MSI2: variants seen among roughly 807,000 people sequenced by gnomAD.
MSI2 encodes the protein RNA-binding protein Musashi homolog 2.
In MSI2, 17 loss-of-function variants were observed where a neutral mutation model predicts 45.6. The ratio of observed to expected loss-of-function variants is 0.37; its 90% CI spans 0.26 to 0.56. The LOEUF is 0.56. MSI2 is among the 20% of genes least tolerant of loss of function. The probability of loss-of-function intolerance (pLI) is 0.77; values close to 1 mark genes in which losing one functional copy is unlikely to be tolerated. For synonymous variants in MSI2, 156 were observed against 158.2 expected (o/e 0.99, Z 0.11); for missense variants, 293 against 444.2 (o/e 0.66, Z 3.06).
At chr17:57,617,880 G>T (rs111365519) in intron 9 of MSI2, among the ~76,000 whole-genome samples, 11 of 152,068 alleles carry the variant, frequency 7.2e-5, no homozygotes, top group Admixed American at 4.6e-4. Context: ...AGACCAGTGC[G>T]GGCAACATGG....
At position 57,363,874 on chromosome 17, in the gene MSI2, G is replaced by C. The variant is rs566744576; in HGVS notation, c.313-37505G>C. Among the ~76,000 whole-genome samples the C allele has an allele frequency of 2.6e-5, 4 of 152,334 alleles. No individual in the cohort carries two copies. In the South Asian group the frequency reaches 8.3e-4, roughly 32 times the overall value. On this transcript the variant is annotated intron_variant, in intron 5 of 13. Transcript: ENST00000284073. ...TGGGGTTAATGTCTCTCTTAAGCCA[G>C]ACAGGTGAGAACTGCCCTCTAGATG...
rs558604127 is a variant in MSI2 at position 57,258,925 on chromosome 17, A to G, written c.270+571A>G. ...AGATGGCATGAAATCTAAGGCTGAT[A>G]AGGCCTGGGGGTTTCAAAGTGATTT... On this transcript the variant is annotated intron_variant, in intron 4 of 13. Coordinates refer to ENST00000284073, the MANE Select transcript of MSI2 (RefSeq NM_138962.4). Among the ~76,000 whole-genome samples, 5 of 148,258 alleles carry G rather than the reference A, an allele frequency of 3.4e-5. No individual in the cohort carries two copies. The South Asian group carries it at 1.1e-3, about 31-fold the overall frequency.
intron 5 of MSI2, among the ~76,000 whole-genome samples, chr17:57,275,336 A>T (rs1450339124): frequency 6.6e-6 from 1 of 152,192 alleles, no homozygotes; most frequent in African/African-American, 2.4e-5. Context: ...AACTTCAGAG[A>T]CATGAAAGAG....
At chr17:57,450,317 A>AGAAAGAGAGAAAGAGAGAG (rs2084989824) in intron 6 of MSI2, 1 of 136,250 alleles carries the variant, frequency 7.3e-6, no homozygotes, top group African/African-American at 2.6e-5. Flanking sequence ...GAAAGAAAGA[A>AGAAAGAGAGAAAGAGAGAG]AGAAAACCTT....
rs1403697756 is a variant in MSI2, at chr17:57,572,019, T to C, written c.455-24849T>C. ...AGGCCAACTAATTGTTCATCTGTGC[T>C]TCAGTGGGTGTGGTGGGGGAGCTAG... On this transcript the variant is annotated intron_variant, in intron 7 of 13. Transcript: ENST00000284073. Among the ~76,000 whole-genome samples the C allele has an allele frequency of 1.3e-5, 2 of 152,176 alleles. 1 individual carries two copies. The highest frequency in any genetic ancestry group is 3.9e-4 in the East Asian group (2 of 5,194).
intron 6 of MSI2, chr17:57,522,403 T>A (rs1473416280): frequency 6.6e-6 from 1 of 152,152 alleles, no homozygotes; most frequent in East Asian, 1.9e-4. Flanking sequence ...AATTTAAGGA[T>A]CATCTGAAGT....
chr17:57,422,065 T>G (rs1161667304), intron 6 of MSI2, among the ~76,000 whole-genome samples: 1 of 152,216 alleles, frequency 6.6e-6, no homozygotes, highest in East Asian at 1.9e-4. Context: ...ATCAATCCAC[T>G]CAAATCGTAT....
At chr17:57,361,119 A>G (rs1916781515) in intron 5 of MSI2, among the ~76,000 whole-genome samples, 1 of 152,064 alleles carries the variant, frequency 6.6e-6, no homozygotes, top group Non-Finnish European at 1.5e-5. Context: ...CACTTGAACA[A>G]CTCAAGGGTT....
At chr17:57,639,502 C>T (rs1166027558) in intron 10 of MSI2, among the ~76,000 whole-genome samples, 1 of 152,256 alleles carries the variant, frequency 6.6e-6, no homozygotes, top group East Asian at 1.9e-4. Flanking sequence ...ATGCTGACCC[C>T]ACCTGTGCCA....
rs1222991730 is a variant in MSI2 at position 57,682,191 on chromosome 17, G to GT, written c.*2680dup. The stretch of plus-strand genomic sequence containing the variant: ...AAAAAATGCTAATAATTTTGGGGCA[G>GT]TTTTTTCCTTTAATTATTTTTTTCA... On this transcript the variant is annotated 3_prime_UTR_variant, in exon 14 of 14. Transcript: ENST00000284073. 1 of 190,564 alleles carries GT rather than the reference G, an allele frequency of 5.2e-6. No individual in the cohort carries two copies. The highest frequency in any genetic ancestry group is 1.1e-5 in the Non-Finnish European group (1 of 91,254). 11.8% of individuals were successfully genotyped at this position (190,564 alleles called of 1,614,324 possible).
At chr17:57,490,816 T>C (rs1368179630) in intron 6 of MSI2, among the ~76,000 whole-genome samples, 5 of 152,252 alleles carry the variant, frequency 3.3e-5, no homozygotes, top group African/African-American at 1.2e-4. Flanking sequence ...ATCTTCCAGA[T>C]TTTCTGAGTA....
rs540821110 is a variant in MSI2, at chr17:57,668,187, G to A, written c.791-6785G>A. 2.0e-5 allele frequency among the ~76,000 whole-genome samples: 3 copies of A among 152,280 alleles called. No homozygotes were observed. The East Asian group carries it at 5.8e-4, about 29-fold the overall frequency. ...GCACTGTTGAGATTATATCTCAACA[G>A]CAAATGCATGGTCCTAGCCACAAAG... On this transcript the variant is annotated intron_variant, in intron 11 of 13. Transcript: ENST00000284073.
chr17:57,613,341 C>T (rs11079312), intron 8 of MSI2, among the ~76,000 whole-genome samples: 1 of 151,964 alleles, frequency 6.6e-6, no homozygotes, highest in South Asian at 2.1e-4. Context: ...AACCCATCAT[C>T]CTGGTTTGCC....
intron 10 of MSI2, chr17:57,631,491 CTG>C (rs1909369039): frequency 3.0e-6 from 1 of 330,624 alleles, no homozygotes; most frequent in Non-Finnish European, 5.5e-6. Context: ...TGGCACCTGG[CTG>C]TGCCCATCTT....
intron 5 of MSI2, among the ~76,000 whole-genome samples, chr17:57,397,312 C>A (rs1339244848): frequency 6.6e-6 from 1 of 152,232 alleles, no homozygotes; most frequent in African/African-American, 2.4e-5. Flanking sequence ...CCAGCCTTCT[C>A]ACTGTATCCA....
At chr17:57,557,534 T>C (rs935130478) in intron 7 of MSI2, among the ~76,000 whole-genome samples, 1 of 152,236 alleles carries the variant, frequency 6.6e-6, no homozygotes, top group Non-Finnish European at 1.5e-5. Flanking sequence ...CTCTGGAAGG[T>C]GTGGATTACC....
At chr17:57,618,469 G>A (rs549139021) in intron 9 of MSI2, 2 of 152,222 alleles carry the variant, frequency 1.3e-5, no homozygotes, top group Non-Finnish European at 2.9e-5. Context: ...TAGCACTTTG[G>A]GAAGCCGAGG....
chr17:57,370,281 A>G (rs183172652), intron 5 of MSI2, among the ~76,000 whole-genome samples: 28 of 152,342 alleles, frequency 1.8e-4, no homozygotes, highest in African/African-American at 6.7e-4. Context: ...TTAAACATTT[A>G]GGCAGAACCT....
intron 5 of MSI2, among the ~76,000 whole-genome samples, chr17:57,367,501 G>GGAGA (rs774924733): frequency 1.4e-4 from 21 of 152,164 alleles, no homozygotes; most frequent in Non-Finnish European, 2.9e-4. Context: ...CTTGGGCCTT[G>GGAGA]GAGAGGCCTT....
Sources: allele counts gnomAD v4.1 joint callset (sites outside exome capture counted in the v4.1 genomes callset), GRCh38; gene constraint gnomAD v4.1.1; transcripts MANE v1.5; gene names NCBI Gene and HGNC (gene_info 2026-07-23, HGNC 2026-07-21).